HEATR4: variants seen among roughly 807,000 people sequenced by gnomAD.
The protein encoded by HEATR4 is HEAT repeat containing 4, also known as HEAT repeat-containing protein 4.
HEATR4 carries 95 observed loss-of-function variants against 108.8 expected under a neutral mutation model. The ratio of observed to expected loss-of-function variants is 0.87; its 90% CI spans 0.74 to 1.04. HEATR4 has a LOEUF of 1.04. HEATR4 is among the 50% of genes least tolerant of loss of function. HEATR4 has a pLI of 0.00. For synonymous variants in HEATR4, 443 were observed against 459.4 expected (o/e 0.96, Z 0.46); for missense variants, 1,152 against 1,253.8 (o/e 0.92, Z 1.23).
At chr14:73,537,337 G>A (rs1372920028) in intron 1 of HEATR4, 20 of 1,136,672 alleles carry the variant, frequency 1.8e-5, no homozygotes, top group Non-Finnish European at 2.3e-5. Flanking sequence ...GCCTGCGACG[G>A]CAGCCCGAGA....
Position 73,512,005 on chromosome 14 carries a change from C to T in HEATR4, c.1558+1G>A. ...TCAAGCAGTTCAGCTTTGGCTCTCA[C>T]CTGAGTCTCTCTGGCTGGTGGCAAT... On this transcript the variant is annotated splice_donor_variant, in intron 7 of 17. Transcript: ENST00000553558. LOFTEE classifies it high-confidence loss of function. The T allele has an allele frequency of 1.2e-6, 2 of 1,613,912 alleles. No individual in the cohort carries two copies. The highest frequency in any genetic ancestry group is 1.7e-6 in the Non-Finnish European group (2 of 1,179,878).
Position 73,555,430 on chromosome 14 carries a change from A to G in HEATR4, c.-152+3321T>C, listed in dbSNP as rs1203630103. ...CAAAAACAGCCTTCAAACATGAAAG[A>G]GAAATAAGGATATTCTTAGTTAAAA... On this transcript the variant is annotated intron_variant, in intron 1 of 17. Coordinates refer to ENST00000553558, the MANE Select transcript of HEATR4 (RefSeq NM_001220484.1). Among the ~76,000 whole-genome samples, 25 of 110,260 alleles carry G rather than the reference A, an allele frequency of 2.3e-4. 9 individuals are homozygous for G. Among genetic ancestry groups the G allele is most frequent in the Non-Finnish European group, 4.5e-4 (23 of 51,414 alleles). The allele number at this position is 110,260 out of a possible 152,430, so 72.3% of individuals were successfully genotyped here.
chr14:73,627,257 T>C, the HEATR4 span, among the ~76,000 whole-genome samples: 2 of 152,132 alleles, frequency 1.3e-5, no homozygotes, highest in Admixed American at 1.3e-4. Flanking sequence ...TGTGACCAAA[T>C]GTGGGAGGTT....
the HEATR4 span, among the ~76,000 whole-genome samples, chr14:73,622,436 C>T: frequency 6.6e-6 from 1 of 152,080 alleles, no homozygotes; most frequent in Admixed American, 6.6e-5. Flanking sequence ...GAGTTTCGCT[C>T]TTGTTGCCCA....
chr14:73,510,642 G>C (rs1214473516), intron 7 of HEATR4, among the ~76,000 whole-genome samples: 4 of 151,970 alleles, frequency 2.6e-5, no homozygotes, highest in African/African-American at 9.7e-5. Context: ...CACCATGTTG[G>C]CCAGGCTGGT....
chr14:73,630,371 A>G, the HEATR4 span, among the ~76,000 whole-genome samples: 479 of 152,318 alleles, frequency 3.1e-3, 1 homozygote, highest in African/African-American at 0.011. Flanking sequence ...TTTGCAGTCA[A>G]CTTCTCTTCT....
At chr14:73,540,565 T>C (rs1215161514) in intron 1 of HEATR4, among the ~76,000 whole-genome samples, 1 of 87,934 alleles carries the variant, frequency 1.1e-5, no homozygotes, top group Non-Finnish European at 2.2e-5. Context: ...AAATAAAATA[T>C]TGTTTAAGGT....
At chr14:73,562,074 A>T (rs1889537895), upstream of HEATR4, among the ~76,000 whole-genome samples, 1 of 152,032 alleles carries the variant, frequency 6.6e-6, no homozygotes, top group African/African-American at 2.4e-5. Context: ...AGGGCCAAAT[A>T]CTGTATAATT....
At chr14:73,501,573 T>C (rs1886464080) in intron 11 of HEATR4, among the ~76,000 whole-genome samples, 1 of 143,842 alleles carries the variant, frequency 7.0e-6, no homozygotes, top group Non-Finnish European at 1.5e-5. Flanking sequence ...CTCTCTCTTT[T>C]TTTTTTTTTT....
At chr14:73,588,004 A>AT in the HEATR4 span, among the ~76,000 whole-genome samples, 5,193 of 140,868 alleles carry the variant, frequency 0.037, 293 homozygotes, top group African/African-American at 0.12. Context: ...TATTTCTCTC[A>AT]TTTTTTTTTT....
In HEATR4 at chr14:73,531,711, C is replaced by G. The variant is rs1212770859; in HGVS notation, c.-151-1467G>C. 2.7e-5 allele frequency among the ~76,000 whole-genome samples: 3 copies of G among 112,314 alleles called. 1 individual carries two copies. Among genetic ancestry groups the G allele is most frequent in the African/African-American group, 8.7e-5 (3 of 34,632 alleles). 73.7% of individuals were successfully genotyped at this position (112,314 alleles called of 152,430 possible). A position where few individuals can be genotyped will look rare whatever the true frequency, so the allele number is the denominator to read the frequency against. On this transcript the variant is annotated intron_variant, in intron 1 of 17. Coordinates refer to ENST00000553558, the MANE Select transcript of HEATR4 (RefSeq NM_001220484.1). ...AACTGTGAGCCACCACACCCAGCCTCTTGGTCATTCTTTGAAAAATAAACC... is the reference window on the plus strand; with the variant it reads ...AACTGTGAGCCACCACACCCAGCCTGTTGGTCATTCTTTGAAAAATAAACC...
chr14:73,505,683 G>A (rs921810246), intron 10 of HEATR4, among the ~76,000 whole-genome samples: 1 of 151,882 alleles, frequency 6.6e-6, no homozygotes, highest in Non-Finnish European at 1.5e-5. Context: ...GTGAGCCACC[G>A]TGCCCGGCCG....
intron 9 of HEATR4, among the ~76,000 whole-genome samples, chr14:73,506,827 T>TTTTTTTTTTTTTTTTTTTTTG (rs1886887990): frequency 1.6e-5 from 2 of 122,968 alleles, no homozygotes; most frequent in South Asian, 2.5e-4. Context: ...TTTTTTTTTC[T>TTTTTTTTTTTTTTTTTTTTTG]GAGAAGGTTG....
intron 2 of HEATR4, chr14:73,527,246 TTGA>T: frequency 6.6e-6 from 1 of 152,192 alleles, no homozygotes; most frequent in African/African-American, 2.4e-5. Flanking sequence ...TGTCCAGACA[TTGA>T]TGACCATCCA....
intron 17 of HEATR4, among the ~76,000 whole-genome samples, chr14:73,485,153 A>T (rs939273195): frequency 6.6e-6 from 1 of 151,968 alleles, no homozygotes; most frequent in Non-Finnish European, 1.5e-5. Flanking sequence ...GACAGAGGGA[A>T]ACTCTGTCTC....
chr14:73,624,626 C>A, the HEATR4 span, among the ~76,000 whole-genome samples: 1 of 151,836 alleles, frequency 6.6e-6, no homozygotes, highest in Non-Finnish European at 1.5e-5. Flanking sequence ...CAAAAAAAAC[C>A]CTCTTTTTAG....
At chr14:73,571,809 A>G in the HEATR4 span, 28 of 152,238 alleles carry the variant, frequency 1.8e-4, no homozygotes, top group African/African-American at 6.5e-4. Flanking sequence ...GTATGTTAAG[A>G]TTTATGTAAA....
At chr14:73,483,312 A>AT (rs922345983) in intron 17 of HEATR4, among the ~76,000 whole-genome samples, 3 of 152,156 alleles carry the variant, frequency 2.0e-5, no homozygotes, top group East Asian at 1.9e-4. Context: ...TAAAACCTTC[A>AT]TTTTTTACAT....
chr14:73,569,906 T>A, the HEATR4 span: 1 of 1,595,404 alleles, frequency 6.3e-7, no homozygotes, highest in South Asian at 1.1e-5. Context: ...CGCTAATTGT[T>A]CCGTGTTCGT....
Sources: gnomAD v4.1 joint callset for allele counts (sites outside exome capture counted in the v4.1 genomes callset) on GRCh38, gnomAD v4.1.1 for gene constraint, MANE v1.5 for transcripts, NCBI Gene and HGNC (gene_info 2026-07-23, HGNC 2026-07-21) for gene names.